Variants in CCDC85C observed in about 807,000 individuals in gnomAD.
CCDC85C encodes coiled-coil domain-containing protein 85C.
CCDC85C carries 18 observed loss-of-function variants against 38.3 expected under a neutral mutation model. The observed-to-expected ratio is 0.47, with a 90% CI of 0.33 to 0.70. CCDC85C has a LOEUF of 0.70. Ranked by LOEUF, CCDC85C falls within the 30% of genes least tolerant of loss-of-function variation. The pLI is 0.03. For synonymous variants in CCDC85C, 264 were observed against 293.8 expected (o/e 0.90, Z 1.04); for missense variants, 566 against 621.2 (o/e 0.91, Z 0.94).
Position 99,511,070 on chromosome 14 carries a change from G to A in CCDC85C, c.*4176C>T, listed in dbSNP as rs991454579. On this transcript the variant is annotated 3_prime_UTR_variant, in exon 6 of 6. Transcript: ENST00000380243. ...TGGGTTACTTTATACTAGTGAGGAC[G>A]TTAACCAGCCATATTGGCTCAATAA... 1.8e-5 allele frequency: 5 copies of A among 272,546 alleles called. No individual in the cohort carries two copies. Among genetic ancestry groups the A allele is most frequent in the Admixed American group, 1.1e-4 (2 of 18,628 alleles). The allele number at this position is 272,546 out of a possible 1,614,324, so 16.9% of individuals were successfully genotyped here. A position where few individuals can be genotyped will look rare whatever the true frequency, so the allele number is the denominator to read the frequency against.
At position 99,513,449 on chromosome 14, in the gene CCDC85C, CAA is replaced by C. The variant is rs986161948; in HGVS notation, c.*1795_*1796del. 6.6e-6 allele frequency: 1 copy of C among 152,300 alleles called. No homozygotes were observed. Among genetic ancestry groups the C allele is most frequent in the African/African-American group, 2.4e-5 (1 of 41,458 alleles). 9.4% of individuals were successfully genotyped at this position (152,300 alleles called of 1,614,324 possible). A position where few individuals can be genotyped will look rare whatever the true frequency, so the allele number is the denominator to read the frequency against. ...CACCTGACCGGGCGACACTCCTTCC[CAA>C]AGAGCCTCCTGGCAACACCCACGGC... On this transcript the variant is annotated 3_prime_UTR_variant, in exon 6 of 6. Coordinates refer to ENST00000380243, the MANE Select transcript of CCDC85C (RefSeq NM_001144995.2).
chr14:99,517,010 C>G, intron 4 of CCDC85C, 78 bp downstream of exon 4: 1 of 1,348,466 alleles, frequency 7.4e-7, no homozygotes, highest in Non-Finnish European at 1.0e-6. Flanking sequence ...CTTGGATACC[C>G]CTAGGTGCAA....
chr14:99,593,133 G>A (rs900122794), intron 1 of CCDC85C, among the ~76,000 whole-genome samples: 9 of 152,226 alleles, frequency 5.9e-5, no homozygotes, highest in African/African-American at 1.2e-4. Flanking sequence ...TGCCGTGCGC[G>A]GTGACAGGCG....
At chr14:99,532,956 A>G (rs532074335) in intron 2 of CCDC85C, among the ~76,000 whole-genome samples, 57 of 151,622 alleles carry the variant, frequency 3.8e-4, no homozygotes, top group Non-Finnish European at 6.8e-4. Context: ...TAATTTTTGT[A>G]TTTTTAGTAG....
At chr14:99,563,723 G>A (rs747891724) in intron 1 of CCDC85C, among the ~76,000 whole-genome samples, 3 of 152,336 alleles carry the variant, frequency 2.0e-5, no homozygotes, top group Admixed American at 6.5e-5. Context: ...CCCGTGGGCC[G>A]TGCTGGCCTC....
chr14:99,585,083 A>T (rs2055012726), intron 1 of CCDC85C, among the ~76,000 whole-genome samples: 2 of 152,160 alleles, frequency 1.3e-5, no homozygotes, highest in Admixed American at 1.3e-4. Flanking sequence ...CCACAGAGTG[A>T]GACCCCGTCC....
intron 1 of CCDC85C, among the ~76,000 whole-genome samples, chr14:99,542,678 G>A (rs1897736118): frequency 6.6e-6 from 1 of 152,180 alleles, no homozygotes; most frequent in Non-Finnish European, 1.5e-5. Context: ...GGCAACAGAA[G>A]GGCCACACTG....
intron 1 of CCDC85C, among the ~76,000 whole-genome samples, chr14:99,557,675 G>T (rs1898038341): frequency 6.6e-6 from 1 of 152,230 alleles, no homozygotes; most frequent in South Asian, 2.1e-4. Context: ...AGCACTTTGG[G>T]AGGCCGAGGT....
At chr14:99,526,848 G>A (rs558058950) in intron 2 of CCDC85C, among the ~76,000 whole-genome samples, 3 of 152,286 alleles carry the variant, frequency 2.0e-5, no homozygotes, top group African/African-American at 4.8e-5. Context: ...GCAGAGGCTC[G>A]AATGCGTGAC....
chr14:99,589,255 C>A (rs1200926774), intron 1 of CCDC85C, among the ~76,000 whole-genome samples: 1 of 151,750 alleles, frequency 6.6e-6, no homozygotes, highest in Non-Finnish European at 1.5e-5. Context: ...GGGGAGCACA[C>A]AGCCACGGCC....
chr14:99,501,060 CTG>C lies in CCDC85C; in HGVS notation c.*14184_*14185del. ...GTTTCCTTTTATGTATAAACAGGCTCTGTCATCCAGTTGCCAAGTGATGGGAG... is the reference window on the plus strand; with the variant it reads ...GTTTCCTTTTATGTATAAACAGGCTCTCATCCAGTTGCCAAGTGATGGGAG... On this transcript the variant is annotated 3_prime_UTR_variant, in exon 6 of 6. Coordinates refer to ENST00000380243, the MANE Select transcript of CCDC85C (RefSeq NM_001144995.2). 1 of 604,860 alleles carries C rather than the reference CTG, an allele frequency of 1.7e-6. No individual in the cohort carries two copies. Among genetic ancestry groups the C allele is most frequent in the Non-Finnish European group, 2.9e-6 (1 of 343,668 alleles). The allele number at this position is 604,860 out of a possible 1,614,324, so 37.5% of individuals were successfully genotyped here.
At chr14:99,567,459 G>A (rs937863282) in intron 1 of CCDC85C, among the ~76,000 whole-genome samples, 1 of 152,176 alleles carries the variant, frequency 6.6e-6, no homozygotes, top group East Asian at 1.9e-4. Flanking sequence ...GCTTGGTAAG[G>A]CTGTGTTCTC....
In CCDC85C at chr14:99,603,988, C is replaced by A; in HGVS notation, c.-29G>T. On this transcript the variant is annotated 5_prime_UTR_variant, in exon 1 of 6. Coordinates refer to ENST00000380243, the MANE Select transcript of CCDC85C (RefSeq NM_001144995.2). The surrounding 1 kb of genome is among the most constrained non-coding windows in gnomAD (Gnocchi z 7.5). ...GGGGCCGTCACCGCGGCATCGCCCT[C>A]GCCCTCGCCCGGCCGGCGCTTCCCC... The A allele has an allele frequency of 8.1e-7, 1 of 1,227,704 alleles. No individual in the cohort carries two copies. Among genetic ancestry groups the A allele is most frequent in the South Asian group, 3.5e-5 (1 of 28,512 alleles). 76.1% of individuals were successfully genotyped at this position (1,227,704 alleles called of 1,614,324 possible). A position where few individuals can be genotyped will look rare whatever the true frequency, so the allele number is the denominator to read the frequency against.
At position 99,503,284 on chromosome 14, in the gene CCDC85C, C is replaced by T. The variant is rs1896886867; in HGVS notation, c.*11962G>A. ...GCCGTGTCCTAGCAGTGTCGTTGTG[C>T]ATGCTGCTTCTGTGCAGCTGCCTGA... On this transcript the variant is annotated 3_prime_UTR_variant, in exon 6 of 6. Transcript: ENST00000380243. 1 of 619,302 alleles carries T rather than the reference C, an allele frequency of 1.6e-6. No homozygotes were observed. The highest frequency in any genetic ancestry group is 1.8e-5 in the African/African-American group (1 of 54,658). The allele number at this position is 619,302 out of a possible 1,614,324, so 38.4% of individuals were successfully genotyped here. A position where few individuals can be genotyped will look rare whatever the true frequency, so the allele number is the denominator to read the frequency against.
At chr14:99,553,823 G>A (rs968611851) in intron 1 of CCDC85C, among the ~76,000 whole-genome samples, 3 of 152,322 alleles carry the variant, frequency 2.0e-5, no homozygotes, top group Non-Finnish European at 2.9e-5. Flanking sequence ...GCAAGGACCC[G>A]AGGCTGAGGG....
chr14:99,580,516 A>T (rs1037626547), intron 1 of CCDC85C, among the ~76,000 whole-genome samples: 1 of 151,346 alleles, frequency 6.6e-6, no homozygotes, highest in Admixed American at 6.6e-5. Flanking sequence ...GAGGCGGAGA[A>T]GACAGCCAGG....
intron 1 of CCDC85C, among the ~76,000 whole-genome samples, chr14:99,550,317 G>A (rs1405120147): frequency 6.6e-6 from 1 of 152,192 alleles, no homozygotes; most frequent in Non-Finnish European, 1.5e-5. Flanking sequence ...GAGCTCAGAG[G>A]GAGATGTGAC....
intron 1 of CCDC85C, among the ~76,000 whole-genome samples, chr14:99,561,785 G>C (rs1272048810): frequency 2.6e-5 from 4 of 152,212 alleles, no homozygotes. Context: ...AGGGGGCAGA[G>C]GAGGGATGCC....
Position 99,502,576 on chromosome 14 carries a change from T to TTGGGGTG in CCDC85C, c.*12669_*12670insCACCCCA. On this transcript the variant is annotated 3_prime_UTR_variant, in exon 6 of 6. Coordinates refer to ENST00000380243, the MANE Select transcript of CCDC85C (RefSeq NM_001144995.2). ...GGTAAACTAAAAATACACACCAGTG[T>TTGGGGTG]TGCACACAACGAAGATGGGGTGAGT... The TTGGGGTG allele has an allele frequency of 8.3e-7, 1 of 1,205,096 alleles. No homozygotes were observed. Among genetic ancestry groups the TTGGGGTG allele is most frequent in the Non-Finnish European group, 1.2e-6 (1 of 862,180 alleles). The allele number at this position is 1,205,096 out of a possible 1,614,324, so 74.7% of individuals were successfully genotyped here. A position where few individuals can be genotyped will look rare whatever the true frequency, so the allele number is the denominator to read the frequency against.
Sources: gnomAD v4.1 joint callset for allele counts (sites outside exome capture counted in the v4.1 genomes callset) on GRCh38, gnomAD v4.1.1 for gene constraint, Gnocchi (gnomAD v3.1) non-coding constraint, MANE v1.5 for transcripts, NCBI Gene and HGNC (gene_info 2026-07-23, HGNC 2026-07-21) for gene names.